NHSL1: variants seen among roughly 807,000 people sequenced by gnomAD.
NHSL1 encodes the protein NHS-like protein 1.
Under a neutral mutation model 95.0 loss-of-function variants are expected in NHSL1, and 48 were observed. The ratio of observed to expected loss-of-function variants is 0.51; its 90% confidence interval spans 0.40 to 0.64. The LOEUF is 0.64. Among genes scored for constraint, NHSL1 ranks in the 30% least tolerant of loss-of-function variants. NHSL1 has a pLI of 0.00. For synonymous variants in NHSL1, 783 were observed against 833.9 expected, an observed-to-expected ratio of 0.94 and a Z score of 1.05; for missense variants, 1,971 against 2,077.7, an observed-to-expected ratio of 0.95 and a Z score of 1.00.
intron 1 of NHSL1, among the ~76,000 whole-genome samples, chr6:138,665,050 C>T (rs1367821863): frequency 6.6e-6 from 1 of 152,206 alleles, no homozygotes; most frequent in Non-Finnish European, 1.5e-5. Flanking sequence ...ATCATATTAA[C>T]CATCACTGAA....
chr6:138,648,280 A>C (rs1484948639), intron 1 of NHSL1, among the ~76,000 whole-genome samples: 1 of 152,154 alleles, frequency 6.6e-6, no homozygotes, highest in Non-Finnish European at 1.5e-5. Context: ...ATGGCTTAAA[A>C]AAATGAAAAC....
intron 1 of NHSL1, among the ~76,000 whole-genome samples, chr6:138,659,718 TTTG>T (rs1210561842): frequency 0.012 from 1,604 of 129,814 alleles, 21 homozygotes; most frequent in East Asian, 0.067. Flanking sequence ...ACGTTTTTTT[TTTG>T]TTTTTTTTTT....
intron 1 of NHSL1, among the ~76,000 whole-genome samples, chr6:138,583,798 T>C (rs965371076): frequency 1.1e-4 from 17 of 152,170 alleles, no homozygotes; most frequent in Admixed American, 6.5e-4. Context: ...AGAGAGCATA[T>C]ATTTTAAGGC....
chr6:138,501,916 G>A (rs1158965984), upstream of NHSL1, among the ~76,000 whole-genome samples: 1 of 152,136 alleles, frequency 6.6e-6, no homozygotes, highest in Non-Finnish European at 1.5e-5. Context: ...TTGTTATACT[G>A]TATTGGTTTA....
chr6:138,661,587 C>T (rs1437649192), intron 1 of NHSL1, among the ~76,000 whole-genome samples: 2 of 151,358 alleles, frequency 1.3e-5, no homozygotes, highest in South Asian at 2.1e-4. Context: ...GTTGGAGCCC[C>T]GGAAGTCAAG....
upstream of NHSL1, among the ~76,000 whole-genome samples, chr6:138,572,861 A>AGATAGATAGAT (rs1420670373): frequency 6.6e-6 from 1 of 151,990 alleles, no homozygotes; most frequent in Non-Finnish European, 1.5e-5. Flanking sequence ...ATAGATAGAT[A>AGATAGATAGAT]GATAGATAGA....
At chr6:138,605,548 G>T (rs1171455645) in intron 1 of NHSL1, among the ~76,000 whole-genome samples, 2 of 152,174 alleles carry the variant, frequency 1.3e-5, no homozygotes, top group African/African-American at 4.8e-5. Context: ...AAAGACAAAG[G>T]TGTCAGCTAT....
At chr6:138,485,060 A>G (rs1779640409) in intron 2 of NHSL1, among the ~76,000 whole-genome samples, 1 of 152,192 alleles carries the variant, frequency 6.6e-6, no homozygotes, top group Admixed American at 6.5e-5. Context: ...AGAGCAGCCA[A>G]ATTGGAGGCG....
chr6:138,472,271 T>A (rs1778804456), intron 3 of NHSL1, among the ~76,000 whole-genome samples: 1 of 152,122 alleles, frequency 6.6e-6, no homozygotes, highest in Non-Finnish European at 1.5e-5. Flanking sequence ...TCCCTTTTGC[T>A]TTTTGAGGCA....
At chr6:138,640,783 C>G (rs747737465) in intron 1 of NHSL1, among the ~76,000 whole-genome samples, 1 of 152,142 alleles carries the variant, frequency 6.6e-6, no homozygotes, top group East Asian at 1.9e-4. Context: ...CCTAACCCCC[C>G]ACCCCCAGTT....
At chr6:138,511,383 T>TGAGAGA (rs145173760) in intron 1 of NHSL1, among the ~76,000 whole-genome samples, 3 of 150,174 alleles carry the variant, frequency 2.0e-5, no homozygotes, top group East Asian at 2.0e-4. Context: ...AAAAAACCAC[T>TGAGAGA]GAGAGAGAGA....
chr6:138,523,205 AT>A (rs758206698), intron 1 of NHSL1, among the ~76,000 whole-genome samples: 3 of 152,170 alleles, frequency 2.0e-5, no homozygotes, highest in Non-Finnish European at 4.4e-5. Flanking sequence ...TATTTTCTGT[AT>A]TTATGAGAAA....
intron 1 of NHSL1, among the ~76,000 whole-genome samples, chr6:138,617,150 G>C (rs978352233): frequency 3.9e-5 from 6 of 152,138 alleles, no homozygotes; most frequent in African/African-American, 1.4e-4. Context: ...TAGTAACTAG[G>C]GGGTGAGGAG....
intron 1 of NHSL1, among the ~76,000 whole-genome samples, chr6:138,563,668 A>C (rs1198045543): frequency 2.0e-5 from 3 of 152,214 alleles, no homozygotes; most frequent in African/African-American, 7.2e-5. Flanking sequence ...TGTATGATGA[A>C]TAGGTATTAT....
intron 1 of NHSL1, among the ~76,000 whole-genome samples, chr6:138,616,222 C>T (rs1253939815): frequency 3.3e-5 from 5 of 152,152 alleles, no homozygotes; most frequent in African/African-American, 1.2e-4. Flanking sequence ...AGACCACACG[C>T]AGACTATATA....
chr6:138,507,237 T>A (rs1053628077), intron 1 of NHSL1, among the ~76,000 whole-genome samples: 2 of 152,150 alleles, frequency 1.3e-5, no homozygotes, highest in Admixed American at 6.5e-5. Flanking sequence ...AGTACAAACA[T>A]CACCTATGGT....
chr6:138,512,976 G>A (rs1781299501), intron 1 of NHSL1, among the ~76,000 whole-genome samples: 1 of 152,086 alleles, frequency 6.6e-6, no homozygotes, highest in Non-Finnish European at 1.5e-5. Context: ...ATCTGTTCGT[G>A]CTCTGCCATC....
intron 3 of NHSL1, among the ~76,000 whole-genome samples, chr6:138,455,463 AGG>A (rs1562287589): frequency 1.3e-4 from 3 of 22,596 alleles, no homozygotes; most frequent in South Asian, 1.2e-3. Flanking sequence ...ATGAGCTGCA[AGG>A]AGCCCCGCCT....
intron 3 of NHSL1, among the ~76,000 whole-genome samples, chr6:138,472,868 G>GT (rs1778840370): frequency 6.6e-6 from 1 of 152,198 alleles, no homozygotes; most frequent in African/African-American, 2.4e-5. Context: ...ACTGTAAACA[G>GT]TGGGTTCTGC....
Sources: gnomAD v4.1 joint callset for allele counts (sites outside exome capture counted in the v4.1 genomes callset) on GRCh38, gnomAD v4.1.1 for gene constraint, MANE v1.5 for transcripts, NCBI Gene and HGNC (gene_info 2026-07-23, HGNC 2026-07-21) for gene names.